Variants in NRXN3 observed in about 807,000 individuals in gnomAD.
The protein encoded by NRXN3 is neurexin 3, also known as neurexin III.
A neutral mutation model predicts 137.6 loss-of-function variants in NRXN3; 32 were observed. The ratio of observed to expected loss-of-function variants is 0.23; its 90% CI spans 0.18 to 0.31. The LOEUF is 0.31. Among genes scored for constraint, NRXN3 ranks in the 10% least tolerant of loss-of-function variants. NRXN3 has a pLI of 1.00. For missense variants in NRXN3, 1,574 were observed against 2,062.5 expected (o/e 0.76, Z 4.59); for synonymous variants, 798 against 784.5 (o/e 1.02, Z -0.29).
intron 4 of NRXN3, among the ~76,000 whole-genome samples, chr14:78,596,142 T>G (rs562263840): frequency 1.3e-5 from 2 of 152,336 alleles, no homozygotes; most frequent in African/African-American, 2.4e-5. Flanking sequence ...TGCTCACTGC[T>G]CTCTGCTTCC....
chr14:78,430,594 C>T (rs1045813708), intron 4 of NRXN3, among the ~76,000 whole-genome samples: 2 of 152,190 alleles, frequency 1.3e-5, no homozygotes, highest in Non-Finnish European at 2.9e-5. Context: ...TAGCCAAAAA[C>T]AATGGGACCA....
At chr14:78,403,897 C>A in intron 4 of NRXN3, 1 of 983,232 alleles carries the variant, frequency 1.0e-6, no homozygotes, top group Non-Finnish European at 1.2e-6. Context: ...TTCGGCTCAC[C>A]TTTAAAAAGA....
chr14:79,556,199 A>C (rs923823975), intron 16 of NRXN3, among the ~76,000 whole-genome samples: 14 of 152,154 alleles, frequency 9.2e-5, no homozygotes, highest in African/African-American at 3.1e-4. Flanking sequence ...GTCAATACCT[A>C]CAAACATGTC....
chr14:79,349,996 GT>G (rs2093125457), intron 15 of NRXN3, among the ~76,000 whole-genome samples: 1 of 152,142 alleles, frequency 6.6e-6, no homozygotes, highest in Admixed American at 6.5e-5. Flanking sequence ...GTGGTAGTTT[GT>G]TACAGCATCA....
chr14:78,534,408 CTG>C (rs1347720601), intron 4 of NRXN3, among the ~76,000 whole-genome samples: 1 of 152,122 alleles, frequency 6.6e-6, no homozygotes, highest in East Asian at 1.9e-4. Context: ...CATGTGTAAA[CTG>C]TATAAAATAA....
chr14:78,633,179 C>T (rs1310967932), intron 4 of NRXN3, among the ~76,000 whole-genome samples: 2 of 139,694 alleles, frequency 1.4e-5, no homozygotes, highest in African/African-American at 2.8e-5. Flanking sequence ...GGCATGAACC[C>T]GGGAGGCAGA....
intron 4 of NRXN3, among the ~76,000 whole-genome samples, chr14:78,619,728 T>C (rs141056298): frequency 6.6e-6 from 1 of 152,198 alleles, no homozygotes; most frequent in East Asian, 1.9e-4. Flanking sequence ...TCCACCATGA[T>C]TGTAAATTTC....
intron 4 of NRXN3, among the ~76,000 whole-genome samples, chr14:78,314,853 T>G (rs138941337): frequency 9.5e-4 from 143 of 149,982 alleles, no homozygotes; most frequent in East Asian, 3.9e-3. Context: ...CACATGTATG[T>G]GTATTTTGTG....
intron 16 of NRXN3, among the ~76,000 whole-genome samples, chr14:79,628,028 T>A (rs1567709128): frequency 6.6e-6 from 1 of 152,174 alleles, no homozygotes; most frequent in Non-Finnish European, 1.5e-5. Flanking sequence ...TAAAAAAAGG[T>A]TTCCTTTTAA....
chr14:78,319,535 A>G (rs1412665595), intron 4 of NRXN3, among the ~76,000 whole-genome samples: 1 of 152,188 alleles, frequency 6.6e-6, no homozygotes, highest in Admixed American at 6.5e-5. Flanking sequence ...GTAATTATCA[A>G]TAGGAAACTC....
At chr14:79,858,999 A>C (rs1217566322) in intron 20 of NRXN3, among the ~76,000 whole-genome samples, 2 of 138,926 alleles carry the variant, frequency 1.4e-5, no homozygotes, top group African/African-American at 2.6e-5. Context: ...AAAAAAAAAA[A>C]ACAGGTGTCT....
intron 8 of NRXN3, among the ~76,000 whole-genome samples, chr14:78,792,592 T>C (rs1404485078): frequency 6.6e-6 from 1 of 152,182 alleles, no homozygotes; most frequent in Admixed American, 6.5e-5. Context: ...AAAGAGCATG[T>C]TAAGTTGTAA....
intron 1 of NRXN3, among the ~76,000 whole-genome samples, chr14:78,230,946 G>A (rs775709179): frequency 2.0e-5 from 3 of 152,232 alleles, no homozygotes; most frequent in African/African-American, 4.8e-5. Flanking sequence ...AGCAAAGGTG[G>A]AAGCAGGGAT....
intron 10 of NRXN3, among the ~76,000 whole-genome samples, chr14:78,816,299 A>T (rs1028816406): frequency 2.0e-5 from 3 of 152,238 alleles, no homozygotes; most frequent in Admixed American, 2.0e-4. Flanking sequence ...AGGCAACCAA[A>T]TTTATTAGGG....
intron 15 of NRXN3, among the ~76,000 whole-genome samples, chr14:79,329,779 A>G (rs1413002582): frequency 6.6e-6 from 1 of 152,074 alleles, no homozygotes; most frequent in Non-Finnish European, 1.5e-5. Context: ...GACTGTTTGA[A>G]TATTTTCCTC....
intron 16 of NRXN3, among the ~76,000 whole-genome samples, chr14:79,553,216 T>C (rs925322809): frequency 1.3e-5 from 2 of 151,944 alleles, no homozygotes; most frequent in East Asian, 1.9e-4. Context: ...ATGATTGTAA[T>C]ATAAAGGGCT....
chr14:79,534,963 GT>G (rs2097199013), intron 16 of NRXN3, among the ~76,000 whole-genome samples: 1 of 152,168 alleles, frequency 6.6e-6, no homozygotes, highest in South Asian at 2.1e-4. Context: ...AACATTGGTA[GT>G]AGAAGTGTAC....
intron 15 of NRXN3, among the ~76,000 whole-genome samples, chr14:79,035,435 T>C (rs1363484813): frequency 6.6e-6 from 1 of 152,088 alleles, no homozygotes; most frequent in East Asian, 1.9e-4. Flanking sequence ...ATATTCTCCT[T>C]TGACAGCCAT....
At chr14:78,990,252 C>T (rs199966790) in intron 15 of NRXN3, among the ~76,000 whole-genome samples, 1 of 152,072 alleles carries the variant, frequency 6.6e-6, no homozygotes, top group East Asian at 1.9e-4. Context: ...ACTTGGGAAA[C>T]TGCCTCTCTA....
Sources: allele counts gnomAD v4.1 joint callset (sites outside exome capture counted in the v4.1 genomes callset), GRCh38; gene constraint gnomAD v4.1.1; transcripts MANE v1.5; gene names NCBI Gene and HGNC (gene_info 2026-07-23, HGNC 2026-07-21).